The following GAD2 variants were observed in gnomAD, a reference collection of about 807,000 sequenced individuals.
GAD2 encodes 65 kDa glutamic acid decarboxylase.
Under a neutral mutation model 80.1 loss-of-function variants are expected in GAD2, and 22 were observed. The observed-to-expected ratio is 0.27, with a 90% CI of 0.20 to 0.39. The LOEUF is 0.39. GAD2 is among the 10% of genes least tolerant of loss of function. The pLI is 1.00. For missense variants in GAD2, 624 were observed against 738.4 expected, an observed-to-expected ratio of 0.85 and a Z score of 1.80; for synonymous variants, 274 against 256.9, an observed-to-expected ratio of 1.07 and a Z score of -0.64.
Position 26,301,877 on chromosome 10 carries a change from A to C in GAD2, c.*916A>C, listed in dbSNP as rs1834332866. Reference sequence around the variant, plus strand: ...AGATTAAATTAGGGTAATTGTCTCTATTCTGCTTTCCAGTTCGGCCTGTTT... The same window carrying C: ...AGATTAAATTAGGGTAATTGTCTCTCTTCTGCTTTCCAGTTCGGCCTGTTT... On this transcript the variant is annotated 3_prime_UTR_variant, in exon 16 of 16. Coordinates refer to ENST00000376261, the MANE Select transcript of GAD2 (RefSeq NM_001134366.2). The C allele has an allele frequency of 6.6e-6, 1 of 152,206 alleles. No homozygotes were observed. Among genetic ancestry groups the C allele is most frequent in the African/African-American group, 2.4e-5 (1 of 41,438 alleles). 9.4% of individuals were successfully genotyped at this position (152,206 alleles called of 1,614,324 possible). A position where few individuals can be genotyped will look rare whatever the true frequency, so the allele number is the denominator to read the frequency against.
At chr10:26,218,545 T>TCACA (rs1243883778) in intron 3 of GAD2, among the ~76,000 whole-genome samples, 11 of 76,516 alleles carry the variant, frequency 1.4e-4, no homozygotes, top group African/African-American at 3.6e-4. Flanking sequence ...GCTCTCTCTC[T>TCACA]CTCTCTCACA....
intron 11 of GAD2, among the ~76,000 whole-genome samples, chr10:26,278,227 TCTTA>T (rs1845233863): frequency 6.6e-6 from 1 of 152,202 alleles, no homozygotes. Flanking sequence ...CATCAGGCAT[TCTTA>T]CTGACAAAGC....
chr10:26,293,066 C>A, intron 15 of GAD2, 75 bp downstream of exon 15: 1 of 1,246,284 alleles, frequency 8.0e-7, no homozygotes, highest in Non-Finnish European at 1.2e-6. Context: ...TGACATATGC[C>A]TGTGGCCTTA....
intron 12 of GAD2, among the ~76,000 whole-genome samples, chr10:26,283,867 A>G (rs1376778000): frequency 6.6e-6 from 1 of 152,238 alleles, no homozygotes; most frequent in Non-Finnish European, 1.5e-5. Flanking sequence ...CCGACTGGCA[A>G]TTTGATGTTA....
chr10:26,298,360 A>C (rs1310553094), intron 15 of GAD2, among the ~76,000 whole-genome samples: 1 of 152,232 alleles, frequency 6.6e-6, no homozygotes, highest in Non-Finnish European at 1.5e-5. Context: ...GTAGATGTTC[A>C]TGTTCCGGCT....
intron 7 of GAD2, among the ~76,000 whole-genome samples, chr10:26,245,442 A>ATTT (rs141717289): frequency 0.018 from 2,612 of 147,740 alleles, 65 homozygotes; most frequent in African/African-American, 0.06. Flanking sequence ...TTTTACCACA[A>ATTT]TTTTTTTTTT....
chr10:26,268,950 T>C (rs1845102516), intron 8 of GAD2, among the ~76,000 whole-genome samples, 169 bp from the exon 9 acceptor site: 1 of 152,220 alleles, frequency 6.6e-6, no homozygotes, highest in African/African-American at 2.4e-5. Context: ...TAGTCATGCC[T>C]CATCCAGGCA....
intron 4 of GAD2, among the ~76,000 whole-genome samples, chr10:26,219,603 A>G (rs1245696659): frequency 1.3e-5 from 2 of 152,182 alleles, no homozygotes; most frequent in Non-Finnish European, 2.9e-5. Flanking sequence ...AAAGAACTCA[A>G]AGTGGAGAAA....
rs1008708857 is a variant in GAD2, at chr10:26,247,990, C to A, written c.920+1990C>A. 5.2e-4 allele frequency among the ~76,000 whole-genome samples: 79 copies of A among 151,418 alleles called. 1 individual carries two copies. The highest frequency in any genetic ancestry group is 3.9e-4 in the Admixed American group (6 of 15,208). ...TTAGCGAACCAAACTGAGGTTCACT[C>A]GCCAGCAGCAGTGAGGCCAAACATC... On this transcript the variant is annotated intron_variant, in intron 8 of 15. Transcript: ENST00000376261.
chr10:26,297,014 A>G (rs1025689080), intron 15 of GAD2, among the ~76,000 whole-genome samples: 1 of 152,104 alleles, frequency 6.6e-6, no homozygotes, highest in African/African-American at 2.4e-5. Context: ...TCTCAGGTTC[A>G]AGTGATTCTC....
intron 14 of GAD2, 112 bp downstream of exon 14, chr10:26,292,684 G>A (rs1834229881): frequency 1.1e-6 from 1 of 897,720 alleles, no homozygotes; most frequent in Non-Finnish European, 1.8e-6. Context: ...ACAGAGGGGA[G>A]CAGTGGATGA....
rs1564658024 is a variant in GAD2 at position 26,232,468 on chromosome 10, A to ATTTTT, written c.840+2691_840+2692insTTTTT. ...TTTCCTGATACTGTAAACTCAGTCT[A>ATTTTT]CTTTTTTTTTTTTTTTTTTTTTTTG... is the stretch of plus-strand genomic sequence containing the variant. On this transcript the variant is annotated intron_variant, in intron 7 of 15. Coordinates refer to ENST00000376261, the MANE Select transcript of GAD2 (RefSeq NM_001134366.2). Among the ~76,000 whole-genome samples, 3 of 131,676 alleles carry ATTTTT rather than the reference A, an allele frequency of 2.3e-5. 1 individual carries two copies. The highest frequency in any genetic ancestry group is 9.1e-5 in the African/African-American group (3 of 33,130). 86.4% of individuals were successfully genotyped at this position (131,676 alleles called of 152,430 possible).
At chr10:26,256,694 G>A (rs1452890307) in intron 8 of GAD2, among the ~76,000 whole-genome samples, 1 of 152,180 alleles carries the variant, frequency 6.6e-6, no homozygotes, top group Non-Finnish European at 1.5e-5. Flanking sequence ...GTGAAGTTTG[G>A]CTTTCTTGAG....
At position 26,217,475 on chromosome 10, in the gene GAD2, C is replaced by A; in HGVS notation, c.77-135C>A. 1 of 905,340 alleles carries A rather than the reference C, an allele frequency of 1.1e-6. No homozygotes were observed. Among genetic ancestry groups the A allele is most frequent in the Non-Finnish European group, 1.8e-6 (1 of 569,266 alleles). The allele number at this position is 905,340 out of a possible 1,614,324, so 56.1% of individuals were successfully genotyped here. A position where few individuals can be genotyped will look rare whatever the true frequency, so the allele number is the denominator to read the frequency against. On this transcript the variant is annotated intron_variant, in intron 1 of 15. Transcript: ENST00000376261. This position sits in a 1 kb window ranked among gnomAD's most constrained non-coding sequence, Gnocchi z 4.9. ...CTGCACCTGCCGGCCTCACCGAGTC[C>A]TGAGCGGCCCCCAGGAGGAAGGCGG...
At chr10:26,273,723 A>G (rs762402135) in intron 11 of GAD2, 23 bp downstream of exon 11, 1 of 1,603,718 alleles carries the variant, frequency 6.2e-7, no homozygotes, top group Non-Finnish European at 8.5e-7. Flanking sequence ...TTTCTTATTA[A>G]CAACATAAAG....
rs1166407902 is a variant in GAD2 at position 26,219,047 on chromosome 10, G to A, written c.291G>A (p.Leu97=). The change falls in exon 4 of 16, where the codon CTG becomes CTA. Residue 97 remains leucine (L), a synonymous_variant. Transcript: ENST00000376261. ...VNYAFLHATD[L]LPACDGERPT... ...CATTTTAATTTCATTCTTTAGACCT[G>A]CTGCCGGCGTGTGATGGAGAAAGGC... 6.4e-7 allele frequency: 1 copy of A among 1,573,298 alleles called. No individual in the cohort carries two copies. The highest frequency in any genetic ancestry group is 8.6e-7 in the Non-Finnish European group (1 of 1,159,304).
At chr10:26,256,071 A>C (rs572946703) in intron 8 of GAD2, among the ~76,000 whole-genome samples, 1 of 152,272 alleles carries the variant, frequency 6.6e-6, no homozygotes, top group Non-Finnish European at 1.5e-5. Context: ...TTTCAAATTT[A>C]AAGGAAAATT....
intron 13 of GAD2, among the ~76,000 whole-genome samples, chr10:26,288,206 A>G (rs1158917210): frequency 1.3e-5 from 2 of 152,212 alleles, no homozygotes; most frequent in African/African-American, 4.8e-5. Context: ...AAACAGAAAG[A>G]TGGTCTTGCT....
In GAD2 at chr10:26,217,800, G is replaced by A. The variant is rs376816974; in HGVS notation, c.137-42G>A. ...AGGCGGGAGCGAGGGAGCCGGGCCC[G>A]GCGGAGGATTGACGAGGCCCGCGTT... On this transcript the variant is annotated intron_variant, in intron 2 of 15. Coordinates refer to ENST00000376261, the MANE Select transcript of GAD2 (RefSeq NM_001134366.2). The surrounding 1 kb of genome is among the most constrained non-coding windows in gnomAD (Gnocchi z 4.9). 135 of 1,582,492 alleles carry A rather than the reference G, an allele frequency of 8.5e-5. No homozygotes were observed. The highest frequency in any genetic ancestry group is 7.1e-5 in the Non-Finnish European group (83 of 1,163,744).
Sources: gnomAD v4.1 joint callset for allele counts (sites outside exome capture counted in the v4.1 genomes callset) on GRCh38, gnomAD v4.1.1 for gene constraint, Gnocchi (gnomAD v3.1) non-coding constraint, MANE v1.5 for transcripts, NCBI Gene and HGNC (gene_info 2026-07-23, HGNC 2026-07-21) for gene names.